The following CTNND2 variants were observed in gnomAD, a reference collection of about 807,000 sequenced individuals.
CTNND2 encodes catenin delta 2, also known as catenin delta-2.
A neutral mutation model predicts 144.4 loss-of-function variants in CTNND2; 22 were observed. The ratio of observed to expected loss-of-function variants is 0.15; its 90% CI spans 0.11 to 0.22. The LOEUF (loss-of-function observed/expected upper bound fraction) is 0.22, where lower values mean the gene tolerates loss of function less well. Among genes scored for constraint, CTNND2 ranks in the 10% least tolerant of loss-of-function variants. The pLI is 1.00. For missense variants in CTNND2, 1,353 were observed against 1,618.8 expected (o/e 0.84, Z 2.82); for synonymous variants, 751 against 695.6 (o/e 1.08, Z -1.25).
chr5:11,826,383 G>A (rs1793599155), intron 1 of CTNND2, among the ~76,000 whole-genome samples: 1 of 151,926 alleles, frequency 6.6e-6, no homozygotes, highest in African/African-American at 2.4e-5. Context: ...TGGAGATAAT[G>A]TAATACTTTA....
chr5:11,577,367 A>G (rs1347162322), intron 2 of CTNND2, among the ~76,000 whole-genome samples: 1 of 152,244 alleles, frequency 6.6e-6, no homozygotes, highest in Non-Finnish European at 1.5e-5. Flanking sequence ...AGTTGAAATC[A>G]ACACATCATT....
At chr5:11,086,871 A>G (rs1470341573) in intron 15 of CTNND2, among the ~76,000 whole-genome samples, 1 of 152,220 alleles carries the variant, frequency 6.6e-6, no homozygotes, top group African/African-American at 2.4e-5. Flanking sequence ...GATTAATACT[A>G]TAATTTAACT....
At chr5:11,054,110 G>A (rs1451014677) in intron 16 of CTNND2, among the ~76,000 whole-genome samples, 1 of 152,146 alleles carries the variant, frequency 6.6e-6, no homozygotes, top group Non-Finnish European at 1.5e-5. Context: ...AAAAACCTTT[G>A]CTTGGGAGCC....
At chr5:11,379,006 C>G (rs777699557) in intron 7 of CTNND2, among the ~76,000 whole-genome samples, 1 of 152,202 alleles carries the variant, frequency 6.6e-6, no homozygotes, top group Non-Finnish European at 1.5e-5. Flanking sequence ...AGAGTCTCCA[C>G]TTCATTCATT....
At chr5:11,534,361 A>G (rs1349695036) in intron 3 of CTNND2, among the ~76,000 whole-genome samples, 2 of 151,964 alleles carry the variant, frequency 1.3e-5, no homozygotes, top group East Asian at 3.9e-4. Context: ...CACACCTGTA[A>G]TCCCAGCACT....
intron 16 of CTNND2, among the ~76,000 whole-genome samples, chr5:11,067,976 C>T (rs535021438): frequency 6.6e-6 from 1 of 152,228 alleles, no homozygotes; most frequent in African/African-American, 2.4e-5. Flanking sequence ...ACATTAGTGG[C>T]AATGTTGGCT....
intron 3 of CTNND2, among the ~76,000 whole-genome samples, chr5:11,507,877 G>A (rs1412064333): frequency 6.6e-6 from 1 of 152,140 alleles, no homozygotes; most frequent in Non-Finnish European, 1.5e-5. Flanking sequence ...GAGGTCCCAG[G>A]CACAATGTTC....
intron 1 of CTNND2, among the ~76,000 whole-genome samples, chr5:11,859,431 T>G (rs1042922983): frequency 2.6e-5 from 4 of 152,210 alleles, no homozygotes; most frequent in Non-Finnish European, 4.4e-5. Flanking sequence ...TCACCAACCC[T>G]AATGATTATA....
chr5:11,355,345 G>T (rs554227700), intron 8 of CTNND2, among the ~76,000 whole-genome samples: 44 of 151,998 alleles, frequency 2.9e-4, no homozygotes, highest in African/African-American at 9.9e-4. Context: ...AGGGATGCAA[G>T]AATTATTTAA....
intron 2 of CTNND2, among the ~76,000 whole-genome samples, chr5:11,694,188 C>A (rs1164642840): frequency 1.3e-5 from 2 of 152,076 alleles, no homozygotes; most frequent in South Asian, 2.1e-4. Context: ...GTAATCCCAG[C>A]ACTTTGGGAG....
At chr5:11,759,274 A>G (rs1789122236) in intron 1 of CTNND2, among the ~76,000 whole-genome samples, 1 of 152,032 alleles carries the variant, frequency 6.6e-6, no homozygotes, top group South Asian at 2.1e-4. Flanking sequence ...ATATTTTACA[A>G]AGAGCAAAAA....
At chr5:11,784,768 C>T (rs1790740116) in intron 1 of CTNND2, among the ~76,000 whole-genome samples, 1 of 152,172 alleles carries the variant, frequency 6.6e-6, no homozygotes, top group South Asian at 2.1e-4. Context: ...AGGAATTCTG[C>T]CAACAATCTG....
At chr5:11,458,943 T>C (rs1410395703) in intron 3 of CTNND2, among the ~76,000 whole-genome samples, 1 of 151,726 alleles carries the variant, frequency 6.6e-6, no homozygotes, top group South Asian at 2.1e-4. Context: ...TTTCTTTTTT[T>C]TTTTTTGGTA....
At chr5:11,052,974 C>G (rs115048263) in intron 16 of CTNND2, among the ~76,000 whole-genome samples, 2,812 of 152,096 alleles carry the variant, frequency 0.018, 93 homozygotes, top group African/African-American at 0.064. Flanking sequence ...ACAAATAAGA[C>G]TTATATAGGG....
At chr5:11,818,994 C>T (rs1458665560) in intron 1 of CTNND2, among the ~76,000 whole-genome samples, 1 of 152,160 alleles carries the variant, frequency 6.6e-6, no homozygotes, top group African/African-American at 2.4e-5. Context: ...TATAAGTAGG[C>T]TTTACAGTTT....
intron 2 of CTNND2, among the ~76,000 whole-genome samples, chr5:11,667,463 C>T (rs748434284): frequency 1.1e-4 from 16 of 152,204 alleles, no homozygotes; most frequent in Non-Finnish European, 2.1e-4. Context: ...ACCATTCTAA[C>T]TGGCGTGAAA....
At chr5:10,981,732 CA>C (rs1162029678) in intron 21 of CTNND2, 40 bp downstream of exon 21, 1 of 1,530,742 alleles carries the variant, frequency 6.5e-7, no homozygotes, top group East Asian at 2.2e-5. Context: ...TCACATGAGT[CA>C]CACTGAAAAG....
intron 2 of CTNND2, among the ~76,000 whole-genome samples, chr5:11,624,757 C>T (rs2727585): frequency 0.5 from 75,561 of 151,674 alleles, 19,721 homozygotes; most frequent in Middle Eastern, 0.69. Context: ...CAGTTGGAAC[C>T]CACACAGGGA....
intron 9 of CTNND2, among the ~76,000 whole-genome samples, chr5:11,312,650 C>T (rs1329848837): frequency 4.4e-5 from 3 of 68,428 alleles, no homozygotes; most frequent in South Asian, 5.4e-4. Flanking sequence ...CATATCACTC[C>T]CCATACACCA....
Sources: allele counts gnomAD v4.1 joint callset (sites outside exome capture counted in the v4.1 genomes callset), GRCh38; gene constraint gnomAD v4.1.1; transcripts MANE v1.5; gene names NCBI Gene and HGNC (gene_info 2026-07-23, HGNC 2026-07-21).